The following SYT14 variants were observed in gnomAD, a reference collection of about 807,000 sequenced individuals.
SYT14 encodes the protein synaptotagmin 14.
A neutral mutation model predicts 74.2 loss-of-function variants in SYT14; 32 were observed. The observed-to-expected ratio is 0.43, with a 90% CI of 0.33 to 0.58. SYT14 has a LOEUF of 0.58. Ranked by LOEUF, SYT14 falls within the 20% of genes least tolerant of loss-of-function variation. The pLI, the probability that SYT14 is intolerant of heterozygous loss-of-function variation, is 0.05. For synonymous variants in SYT14, 298 were observed against 337.7 expected (o/e 0.88, Z 1.29); for missense variants, 791 against 981.8 (o/e 0.81, Z 2.60).
chr1:210,142,368 G>A (rs1315785284), intron 7 of SYT14, among the ~76,000 whole-genome samples: 1 of 152,174 alleles, frequency 6.6e-6, no homozygotes, highest in African/African-American at 2.4e-5. Context: ...CAGGCCTTTA[G>A]TTAGTTCAGA....
At chr1:210,119,107 T>G (rs2082411685) in intron 7 of SYT14, among the ~76,000 whole-genome samples, 1 of 152,204 alleles carries the variant, frequency 6.6e-6, no homozygotes, top group Admixed American at 6.5e-5. Flanking sequence ...TATAAGAATA[T>G]ATTTTATCAG....
chr1:209,995,322 G>A (rs370095474), intron 2 of SYT14, among the ~76,000 whole-genome samples: 1 of 152,108 alleles, frequency 6.6e-6, no homozygotes, highest in African/African-American at 2.4e-5. Flanking sequence ...ACCAAAAAAA[G>A]AGCAGAAGTC....
At chr1:210,089,449 C>T (rs909987760) in intron 5 of SYT14, among the ~76,000 whole-genome samples, 22 of 152,120 alleles carry the variant, frequency 1.4e-4, no homozygotes, top group African/African-American at 3.6e-4. Flanking sequence ...CTTGAGGGAT[C>T]GCCACACTGT....
intron 7 of SYT14, among the ~76,000 whole-genome samples, chr1:210,107,175 C>T (rs1166070615): frequency 6.6e-6 from 1 of 152,230 alleles, no homozygotes; most frequent in Non-Finnish European, 1.5e-5. Flanking sequence ...GCCTTGGGCA[C>T]CCCTGAAAGG....
chr1:210,159,737 C>T lies in SYT14; in HGVS notation c.2281+260C>T, dbSNP rs142558162. 4.3e-4 allele frequency among the ~76,000 whole-genome samples: 66 copies of T among 152,090 alleles called. No homozygotes were observed. The East Asian group carries it at 0.012, about 28-fold the overall frequency. Reference sequence around the variant, plus strand: ...TTCATTTGTACTTTGATTCATACAACAGAAATAGATATTTCCTGATAAATA... The same window carrying T: ...TTCATTTGTACTTTGATTCATACAATAGAAATAGATATTTCCTGATAAATA... On this transcript the variant is annotated intron_variant, in intron 9 of 9. Coordinates refer to ENST00000637265, the Ensembl canonical transcript of SYT14.
chr1:210,015,786 G>A (rs977291914), exon 4 of SYT14: 2 of 876,210 alleles, frequency 2.3e-6, no homozygotes, highest in Admixed American at 4.6e-5. Context: ...TAAACCAAGT[G>A]GTTTGATTTT....
chr1:210,050,449 G>C (rs1157789286), intron 5 of SYT14, among the ~76,000 whole-genome samples: 1 of 152,148 alleles, frequency 6.6e-6, no homozygotes, highest in African/African-American at 2.4e-5. Flanking sequence ...GTCGTCTTCT[G>C]AGCCCTCCAA....
At chr1:210,106,946 A>G (rs563196811) in intron 7 of SYT14, among the ~76,000 whole-genome samples, 6 of 152,230 alleles carry the variant, frequency 3.9e-5, no homozygotes, top group Non-Finnish European at 5.9e-5. Context: ...GTGAAATAAA[A>G]AGCAAGTTAG....
At chr1:210,145,422 C>T (rs1200783239) in intron 7 of SYT14, among the ~76,000 whole-genome samples, 6 of 152,120 alleles carry the variant, frequency 3.9e-5, no homozygotes, top group Non-Finnish European at 8.8e-5. Context: ...CTTTTCTTAC[C>T]ACCGCATTTC....
At chr1:210,039,911 A>G (rs1010544335) in intron 5 of SYT14, among the ~76,000 whole-genome samples, 3 of 152,190 alleles carry the variant, frequency 2.0e-5, no homozygotes, top group African/African-American at 7.2e-5. Flanking sequence ...GAGAAGTAGG[A>G]ACACTTTTAC....
intron 2 of SYT14, among the ~76,000 whole-genome samples, chr1:209,962,641 A>G (rs2079094592): frequency 6.6e-6 from 1 of 152,070 alleles, no homozygotes; most frequent in Non-Finnish European, 1.5e-5. Context: ...TTTTAATTTT[A>G]TATTCCAAAT....
At chr1:209,996,715 G>A (rs540275781) in intron 2 of SYT14, among the ~76,000 whole-genome samples, 2 of 152,022 alleles carry the variant, frequency 1.3e-5, no homozygotes, top group African/African-American at 2.4e-5. Flanking sequence ...GAAAATCCTC[G>A]GCAAAATACT....
At chr1:210,075,103 C>T (rs1246456391) in intron 5 of SYT14, among the ~76,000 whole-genome samples, 3 of 152,204 alleles carry the variant, frequency 2.0e-5, no homozygotes, top group Non-Finnish European at 2.9e-5. Context: ...GACCGCTCAG[C>T]GGCCCGGGCT....
intron 8 of SYT14, among the ~76,000 whole-genome samples, chr1:210,157,456 T>A: frequency 2.2e-5 from 3 of 134,444 alleles, no homozygotes; most frequent in Admixed American, 7.5e-5. Context: ...AAAAAAAAAA[T>A]TGGCCAGGTG....
In SYT14 at chr1:210,000,464, A is replaced by ATG. The variant is rs1553264183; in HGVS notation, c.-485-13169_-485-13168insTG. Among the ~76,000 whole-genome samples, 228 of 134,056 alleles carry ATG rather than the reference A, an allele frequency of 1.7e-3. 1 individual carries two copies. The highest frequency in any genetic ancestry group is 6.1e-3 in the African/African-American group (213 of 34,824). 87.9% of individuals were successfully genotyped at this position (134,056 alleles called of 152,430 possible). A position where few individuals can be genotyped will look rare whatever the true frequency, so the allele number is the denominator to read the frequency against. ...TCTTATTTTAGTCCTTTGTCCTCATACGCACACACACACACACACACACAC... is the reference window on the plus strand; with the variant it reads ...TCTTATTTTAGTCCTTTGTCCTCATATGCGCACACACACACACACACACACAC... On this transcript the variant is annotated intron_variant, in intron 2 of 9. Transcript: ENST00000637265.
intron 2 of SYT14, among the ~76,000 whole-genome samples, chr1:209,991,757 G>C (rs1295736056): frequency 1.3e-5 from 2 of 151,932 alleles, no homozygotes; most frequent in African/African-American, 2.4e-5. Context: ...TTGAACCTAG[G>C]AGGCAGAGGC....
At chr1:209,992,732 G>A (rs1200095795) in intron 2 of SYT14, among the ~76,000 whole-genome samples, 1 of 152,040 alleles carries the variant, frequency 6.6e-6, no homozygotes, top group Non-Finnish European at 1.5e-5. Context: ...AACTGAAGGG[G>A]GGACAAGATG....
intron 5 of SYT14, among the ~76,000 whole-genome samples, chr1:210,090,755 T>G (rs2081850749): frequency 6.6e-6 from 1 of 152,082 alleles, no homozygotes; most frequent in Non-Finnish European, 1.5e-5. Context: ...AATATAAATT[T>G]TGTTACTTTA....
chr1:210,008,081 A>C (rs970106807), intron 2 of SYT14, among the ~76,000 whole-genome samples: 1 of 152,200 alleles, frequency 6.6e-6, no homozygotes, highest in African/African-American at 2.4e-5. Context: ...GAACCTCAGT[A>C]TCTATATCTG....
Sources: gnomAD v4.1 joint callset for allele counts (sites outside exome capture counted in the v4.1 genomes callset) on GRCh38, gnomAD v4.1.1 for gene constraint, MANE v1.5 for transcripts, NCBI Gene and HGNC (gene_info 2026-07-23, HGNC 2026-07-21) for gene names.